The following IPPK variants were observed in gnomAD, a reference collection of about 807,000 sequenced individuals.
IPPK encodes inositol-pentakisphosphate 2-kinase.
In IPPK, 22 loss-of-function variants were observed where a neutral mutation model predicts 64.6. The ratio of observed to expected loss-of-function variants is 0.34; its 90% CI spans 0.24 to 0.49. The LOEUF is 0.49. Ranked by LOEUF, IPPK falls within the 20% of genes least tolerant of loss-of-function variation. The pLI is 0.99. For synonymous variants in IPPK, 262 were observed against 247.2 expected (o/e 1.06, Z -0.56); for missense variants, 532 against 630.7 (o/e 0.84, Z 1.68).
intron 12 of IPPK, 159 bp downstream of exon 12, chr9:92,619,327 A>G (rs541547230): frequency 5.6e-5 from 34 of 609,890 alleles, no homozygotes; most frequent in African/African-American, 3.8e-4. Flanking sequence ...AGAGGGCGAG[A>G]GTTAGTAAGC....
At chr9:92,653,982 G>A (rs1014070821) in intron 3 of IPPK, among the ~76,000 whole-genome samples, 13 of 152,174 alleles carry the variant, frequency 8.5e-5, no homozygotes, top group African/African-American at 3.1e-4. Flanking sequence ...GAGAACCATC[G>A]CCCAAAACCA....
chr9:92,651,392 TG>T (rs1852264061), intron 4 of IPPK, among the ~76,000 whole-genome samples: 1 of 150,782 alleles, frequency 6.6e-6, no homozygotes, highest in African/African-American at 2.4e-5. Context: ...AGGGAGTGGG[TG>T]GGGATGGAGG....
intron 11 of IPPK, among the ~76,000 whole-genome samples, chr9:92,626,516 A>G (rs1355097544): frequency 6.6e-6 from 1 of 152,260 alleles, no homozygotes; most frequent in Non-Finnish European, 1.5e-5. Context: ...AAGCACCTGG[A>G]ATGTAGCACA....
At chr9:92,665,423 G>A (rs1041367410) in intron 1 of IPPK, among the ~76,000 whole-genome samples, 1 of 152,166 alleles carries the variant, frequency 6.6e-6, no homozygotes, top group East Asian at 1.9e-4. Context: ...TTCTGTAATG[G>A]ATATCTTTGT....
chr9:92,630,003 A>G (rs1851807331), intron 11 of IPPK, among the ~76,000 whole-genome samples: 1 of 152,206 alleles, frequency 6.6e-6, no homozygotes, highest in Non-Finnish European at 1.5e-5. Context: ...ATTTAAACAT[A>G]AAAGTGCCAC....
At chr9:92,624,932 G>C (rs1851708114) in intron 11 of IPPK, among the ~76,000 whole-genome samples, 1 of 151,582 alleles carries the variant, frequency 6.6e-6, no homozygotes, top group South Asian at 2.1e-4. Flanking sequence ...CAGGAGACAT[G>C]AATATATACA....
intron 9 of IPPK, among the ~76,000 whole-genome samples, chr9:92,637,416 C>T (rs1851961576): frequency 6.6e-6 from 1 of 152,220 alleles, no homozygotes; most frequent in African/African-American, 2.4e-5. Flanking sequence ...CTCAGGCTCC[C>T]AGAGACCATG....
At chr9:92,642,672 C>A (rs1250978792) in intron 7 of IPPK, 80 bp downstream of exon 7, 5 of 1,217,520 alleles carry the variant, frequency 4.1e-6, no homozygotes, top group South Asian at 1.2e-5. Context: ...CACGAAATAC[C>A]CCCCACCAGG....
Position 92,670,051 on chromosome 9 carries a change from G to A in IPPK, c.-63C>T, listed in dbSNP as rs1852697649. The A allele has an allele frequency of 8.8e-6, 11 of 1,244,684 alleles. No homozygotes were observed. Among genetic ancestry groups the A allele is most frequent in the Non-Finnish European group, 1.1e-5 (10 of 885,238 alleles). The allele number at this position is 1,244,684 out of a possible 1,614,324, so 77.1% of individuals were successfully genotyped here. On this transcript the variant is annotated 5_prime_UTR_variant, in exon 1 of 13. Transcript: ENST00000287996. ...CGGGGACGCGAGCTGGGGGCCGCCC[G>A]CCTCGCTGGGAACCAGCCGCTGCGG...
At chr9:92,626,888 ATGT>A (rs1442972365) in intron 11 of IPPK, among the ~76,000 whole-genome samples, 2 of 151,472 alleles carry the variant, frequency 1.3e-5, no homozygotes, top group Admixed American at 6.6e-5. Flanking sequence ...CAAAAACCAG[ATGT>A]TGTATGAAAT....
chr9:92,655,210 A>G (rs945048449), intron 3 of IPPK, among the ~76,000 whole-genome samples: 62 of 152,264 alleles, frequency 4.1e-4, no homozygotes, highest in African/African-American at 1.4e-3. Context: ...GCTTTGCCTA[A>G]CTCACCGACA....
intron 6 of IPPK, among the ~76,000 whole-genome samples, chr9:92,646,607 GTTAC>G (rs1319762971): frequency 1.3e-5 from 2 of 152,224 alleles, no homozygotes; most frequent in African/African-American, 2.4e-5. Flanking sequence ...AGAGAAAGCA[GTTAC>G]TTAAAGATTT....
Position 92,670,047 on chromosome 9 carries a change from G to A in IPPK, c.-59C>T. ...GACTCGGGGACGCGAGCTGGGGGCC[G>A]CCCGCCTCGCTGGGAACCAGCCGCT... On this transcript the variant is annotated 5_prime_UTR_variant, in exon 1 of 13. Coordinates refer to ENST00000287996, the MANE Select transcript of IPPK (RefSeq NM_022755.6). 4.7e-6 allele frequency: 6 copies of A among 1,288,856 alleles called. No individual in the cohort carries two copies. Among genetic ancestry groups the A allele is most frequent in the East Asian group, 2.8e-5 (1 of 35,320 alleles). 79.8% of individuals were successfully genotyped at this position (1,288,856 alleles called of 1,614,324 possible).
chr9:92,666,727 C>T (rs747946815), intron 1 of IPPK, among the ~76,000 whole-genome samples: 46 of 152,186 alleles, frequency 3.0e-4, no homozygotes, highest in Non-Finnish European at 5.1e-4. Context: ...CATCCTGGGC[C>T]GTCTCTGAGT....
chr9:92,649,921 G>C (rs1294224308), intron 4 of IPPK, among the ~76,000 whole-genome samples: 1 of 151,912 alleles, frequency 6.6e-6, no homozygotes, highest in Non-Finnish European at 1.5e-5. Context: ...AGCTACTCGG[G>C]AGGCTGAAGC....
rs1851327676 is a variant in IPPK at position 92,613,279 on chromosome 9, A to G, written c.*2553T>C. On this transcript the variant is annotated 3_prime_UTR_variant, in exon 13 of 13. Coordinates refer to ENST00000287996, the MANE Select transcript of IPPK (RefSeq NM_022755.6). ...GACGTGCTGTCTATGCAGTTATGGC[A>G]CATTATATGGAAACTCTCATGACAT... is the stretch of plus-strand genomic sequence containing the variant. 1 of 998,324 alleles carries G rather than the reference A, an allele frequency of 1.0e-6. No homozygotes were observed. The highest frequency in any genetic ancestry group is 1.5e-6 in the Non-Finnish European group (1 of 668,896). The allele number at this position is 998,324 out of a possible 1,614,324, so 61.8% of individuals were successfully genotyped here. A position where few individuals can be genotyped will look rare whatever the true frequency, so the allele number is the denominator to read the frequency against.
intron 3 of IPPK, among the ~76,000 whole-genome samples, chr9:92,655,895 C>T (rs1852362965): frequency 6.6e-6 from 1 of 152,204 alleles, no homozygotes; most frequent in Non-Finnish European, 1.5e-5. Context: ...CTCAAAACTA[C>T]AGATCTGCTC....
chr9:92,616,195 T>G (rs1851427392), intron 12 of IPPK, 138 bp from the exon 13 acceptor site: 2 of 640,954 alleles, frequency 3.1e-6, no homozygotes, highest in Non-Finnish European at 5.4e-6. Context: ...GATAAATCAA[T>G]CTCTTTTAAA....
At chr9:92,636,697 T>C (rs1254316590) in intron 9 of IPPK, among the ~76,000 whole-genome samples, 3 of 152,150 alleles carry the variant, frequency 2.0e-5, no homozygotes, top group Non-Finnish European at 4.4e-5. Flanking sequence ...TACAGATTTA[T>C]GCTAGTTAAG....
Sources: allele counts gnomAD v4.1 joint callset (sites outside exome capture counted in the v4.1 genomes callset), GRCh38; gene constraint gnomAD v4.1.1; transcripts MANE v1.5; gene names NCBI Gene and HGNC (gene_info 2026-07-23, HGNC 2026-07-21).